The following NDUFV3 variants were observed in gnomAD, a reference collection of about 807,000 sequenced individuals.
NDUFV3 encodes the protein NADH:ubiquinone oxidoreductase subunit V3.
A neutral mutation model predicts 37.5 loss-of-function variants in NDUFV3; 44 were observed. That is an observed-to-expected ratio of 1.17 (90% confidence interval 0.92 to 1.51). The LOEUF is 1.51. Ranked by LOEUF, NDUFV3 falls within the 40% of genes most tolerant of loss-of-function variation. The pLI, the probability that NDUFV3 is intolerant of heterozygous loss-of-function variation, is 0.00. For synonymous variants in NDUFV3, 235 were observed against 239.3 expected, an observed-to-expected ratio of 0.98 and a Z score of 0.17; for missense variants, 580 against 580.4, an observed-to-expected ratio of 1.00 and a Z score of 0.01.
At chr21:42,901,048 A>G (rs2058715983) in intron 2 of NDUFV3, among the ~76,000 whole-genome samples, 1 of 152,172 alleles carries the variant, frequency 6.6e-6, no homozygotes. Flanking sequence ...GCCACAGTTA[A>G]TTATCCATTT....
chr21:42,911,439 C>CTTTTTTTTTT lies in NDUFV3; in HGVS notation c.*2440_*2449dup. On this transcript the variant is annotated 3_prime_UTR_variant, in exon 4 of 4. Transcript: ENST00000354250. ...CTAAAATCCACTATGCTAACCCACCCTTTTTTTTTTTTTTTTTTTTTTTTT... is the reference window on the plus strand; with the variant it reads ...CTAAAATCCACTATGCTAACCCACCCTTTTTTTTTTTTTTTTTTTTTTTTTTTTTTTTTTT... 1 of 67,542 alleles carries CTTTTTTTTTT rather than the reference C, an allele frequency of 1.5e-5. No homozygotes were observed. The highest frequency in any genetic ancestry group is 2.6e-5 in the Non-Finnish European group (1 of 38,364). The allele number at this position is 67,542 out of a possible 1,614,324, so 4.2% of individuals were successfully genotyped here. A position where few individuals can be genotyped will look rare whatever the true frequency, so the allele number is the denominator to read the frequency against.
chr21:42,896,991 C>T lies in NDUFV3; in HGVS notation c.113C>T (p.Ser38Leu). 6.2e-7 allele frequency: 1 copy of T among 1,614,058 alleles called. No homozygotes were observed. Among genetic ancestry groups the T allele is most frequent in the Non-Finnish European group, 8.5e-7 (1 of 1,180,014 alleles). Residue 38 changes from serine (S) to leucine (L), a missense_variant, in exon 2 of 4, where the codon TCA becomes TTA. Transcript: ENST00000354250. ...LASTVSLSAE[S>L]GKSEKGQPQN... ...TCTACGGTTTCTTTGTCTGCGGAAT[C>T]AGGGAAGAGTGAAAAGGGTCAGCCA...
chr21:42,902,943 ATTG>A lies in NDUFV3; in HGVS notation c.170-236_170-234del, dbSNP rs144637011. Among the ~76,000 whole-genome samples, 1,424 of 152,294 alleles carry A rather than the reference ATTG, an allele frequency of 9.4e-3. 40 individuals carry two copies. The East Asian group carries it at 0.097, about 10-fold the overall frequency. On this transcript the variant is annotated intron_variant, in intron 2 of 3. Transcript: ENST00000354250. ...TAAATGCCATGTAAATAGTTGTTGT[ATTG>A]TTTAGGGAATAATGTCAAGGAAAAA... is the stretch of plus-strand genomic sequence containing the variant.
intron 1 of NDUFV3, among the ~76,000 whole-genome samples, chr21:42,895,519 G>T (rs1189191439): frequency 6.6e-6 from 1 of 151,902 alleles, no homozygotes; most frequent in Non-Finnish European, 1.5e-5. Flanking sequence ...AGGTGCGGTG[G>T]TGCACACCTG....
At position 42,903,708 on chromosome 21, in the gene NDUFV3, C is replaced by G. The variant is rs1246678996; in HGVS notation, c.696C>G (p.Ser232=). Residue 232 remains serine, a synonymous_variant, in exon 3 of 4, where the codon TCC becomes TCG. Coordinates refer to ENST00000354250, the MANE Select transcript of NDUFV3 (RefSeq NM_021075.4). The part of the protein sequence containing the change: ...EKPHQPKKKG[S]PAKPSEGREN... ...CCCACCAGCCAAAGAAGAAAGGGTCCCCTGCTAAGCCATCAGAAGGCAGGG... is the reference window on the plus strand; with the variant it reads ...CCCACCAGCCAAAGAAGAAAGGGTCGCCTGCTAAGCCATCAGAAGGCAGGG... The G allele has an allele frequency of 1.9e-6, 3 of 1,614,004 alleles. No homozygotes were observed. In the African/African-American group the frequency reaches 4.0e-5, roughly 22 times the overall value.
chr21:42,903,751 A>G lies in NDUFV3; in HGVS notation c.739A>G (p.Thr247Ala). ...SEGRENARPK[T>A]TMPRSQVDEE... Reference sequence around the variant, plus strand: ...AGGCAGGGAAAATGCGAGACCAAAAACCACAATGCCCAGATCTCAAGTAGA... The same window carrying G: ...AGGCAGGGAAAATGCGAGACCAAAAGCCACAATGCCCAGATCTCAAGTAGA... Residue 247 changes from threonine (T) to alanine (A), a missense_variant, in exon 3 of 4, where the codon ACC becomes GCC. Physicochemically the swap from Thr to Ala is moderately conservative, Grantham distance 58. Transcript: ENST00000354250. 6.2e-7 allele frequency: 1 copy of G among 1,614,172 alleles called. No homozygotes were observed. The highest frequency in any genetic ancestry group is 8.5e-7 in the Non-Finnish European group (1 of 1,180,034).
chr21:42,897,619 C>G (rs917526401), intron 2 of NDUFV3, among the ~76,000 whole-genome samples: 1 of 152,168 alleles, frequency 6.6e-6, no homozygotes, highest in South Asian at 2.1e-4. Flanking sequence ...GTTATCCACC[C>G]GCCTCGGCCT....
In NDUFV3 at chr21:42,897,870, G is replaced by T. The variant is rs1601215607; in HGVS notation, c.169+823G>T. Among the ~76,000 whole-genome samples the T allele has an allele frequency of 2.0e-5, 3 of 151,424 alleles. No individual in the cohort carries two copies. The East Asian group carries it at 5.8e-4, about 29-fold the overall frequency. On this transcript the variant is annotated intron_variant, in intron 2 of 3. Transcript: ENST00000354250. ...TTTTTACATTTTTAGTAGAGGTGGG[G>T]TTTCACCATGTTAGCCGGGATGGTC...
chr21:42,903,991 C>T lies in NDUFV3; in HGVS notation c.979C>T (p.Pro327Ser), dbSNP rs761835700. ...RAEGQLQASP[P>S]GAAEGHLEKP... is the part of the protein sequence containing the mutation. Reference sequence around the variant, plus strand: ...AGAGGGGCAGCTGCAAGCCAGTCCTCCTGGGGCGGCAGAGGGGCATCTGGA... The same window carrying T: ...AGAGGGGCAGCTGCAAGCCAGTCCTTCTGGGGCGGCAGAGGGGCATCTGGA... Residue 327 changes from proline to serine, a missense_variant, in exon 3 of 4, where the codon CCT (proline) becomes TCT (serine). By Grantham distance (74) the Pro-to-Ser change is moderately conservative. Coordinates refer to ENST00000354250, the MANE Select transcript of NDUFV3 (RefSeq NM_021075.4). 6.2e-7 allele frequency: 1 copy of T among 1,614,120 alleles called. No individual in the cohort carries two copies. The highest frequency in any genetic ancestry group is 1.3e-5 in the African/African-American group (1 of 75,070).
In NDUFV3 at chr21:42,910,422, T is replaced by A. The variant is rs2058764973; in HGVS notation, c.*1401T>A. On this transcript the variant is annotated 3_prime_UTR_variant, in exon 4 of 4. Coordinates refer to ENST00000354250, the MANE Select transcript of NDUFV3 (RefSeq NM_021075.4). ...CAGAAAAGGAAGGGAATTGTTTTGT[T>A]TGCCTCTGTTAGATATTTTATATAA... 1.3e-5 allele frequency: 2 copies of A among 152,356 alleles called. No individual in the cohort carries two copies. Among genetic ancestry groups the A allele is most frequent in the Non-Finnish European group, 2.9e-5 (2 of 68,102 alleles). The allele number at this position is 152,356 out of a possible 1,614,324, so 9.4% of individuals were successfully genotyped here. A position where few individuals can be genotyped will look rare whatever the true frequency, so the allele number is the denominator to read the frequency against.
intron 1 of NDUFV3, among the ~76,000 whole-genome samples, chr21:42,896,151 A>ATTTT (rs143845594): frequency 4.4e-5 from 4 of 90,942 alleles, no homozygotes; most frequent in Non-Finnish European, 6.1e-5. Context: ...GCCTGGCTAA[A>ATTTT]TTTTTTTTTT....
At chr21:42,905,672 C>T (rs1408605992) in intron 3 of NDUFV3, among the ~76,000 whole-genome samples, 1 of 151,926 alleles carries the variant, frequency 6.6e-6, no homozygotes, top group African/African-American at 2.4e-5. Context: ...TGTGGCACCA[C>T]CCCCGGCTAA....
chr21:42,894,797 A>G (rs370013763), intron 1 of NDUFV3, among the ~76,000 whole-genome samples: 1 of 151,650 alleles, frequency 6.6e-6, no homozygotes, highest in Admixed American at 6.6e-5. Context: ...AAGCACATGT[A>G]CTCATGCTTA....
rs1361377112 is a variant in NDUFV3, at chr21:42,909,285, G to C, written c.*264G>C. 1 of 402,030 alleles carries C rather than the reference G, an allele frequency of 2.5e-6. No individual in the cohort carries two copies. Among genetic ancestry groups the C allele is most frequent in the African/African-American group, 2.1e-5 (1 of 48,260 alleles). The allele number at this position is 402,030 out of a possible 1,614,324, so 24.9% of individuals were successfully genotyped here. A position where few individuals can be genotyped will look rare whatever the true frequency, so the allele number is the denominator to read the frequency against. On this transcript the variant is annotated 3_prime_UTR_variant, in exon 4 of 4. Coordinates refer to ENST00000354250, the MANE Select transcript of NDUFV3 (RefSeq NM_021075.4). ...GCCTCCCAAGTAGGTGGGATTACAG[G>C]TACTCACCACCAGGTCCAGCTAACT...
chr21:42,897,356 A>G (rs1304777777), intron 2 of NDUFV3, among the ~76,000 whole-genome samples: 2 of 152,226 alleles, frequency 1.3e-5, no homozygotes, highest in African/African-American at 4.8e-5. Flanking sequence ...GCCCCGGCAC[A>G]GTGAGCTTGC....
At chr21:42,901,664 G>A (rs2058718368) in intron 2 of NDUFV3, among the ~76,000 whole-genome samples, 1 of 151,938 alleles carries the variant, frequency 6.6e-6, no homozygotes, top group Non-Finnish European at 1.5e-5. Context: ...GCCAGGCACT[G>A]TTCTAAGCAC....
At chr21:42,897,548 T>C (rs2058698116) in intron 2 of NDUFV3, among the ~76,000 whole-genome samples, 1 of 152,208 alleles carries the variant, frequency 6.6e-6, no homozygotes, top group South Asian at 2.1e-4. Flanking sequence ...TAATTTTTTG[T>C]ATTTTTAGTA....
At chr21:42,901,206 G>A (rs1337171164) in intron 2 of NDUFV3, among the ~76,000 whole-genome samples, 2 of 152,048 alleles carry the variant, frequency 1.3e-5, no homozygotes, top group African/African-American at 4.8e-5. Context: ...GGGAGGCTGA[G>A]GTGGGTGGAT....
At chr21:42,897,074 GA>G (rs773647059) in intron 2 of NDUFV3, 27 bp downstream of exon 2, 1 of 1,612,248 alleles carries the variant, frequency 6.2e-7, no homozygotes. Context: ...AGTCATAAGG[GA>G]AAGAGAATGC....
Sources: gnomAD v4.1 joint callset for allele counts (sites outside exome capture counted in the v4.1 genomes callset) on GRCh38, gnomAD v4.1.1 for gene constraint, MANE v1.5 for transcripts, NCBI Gene and HGNC (gene_info 2026-07-23, HGNC 2026-07-21) for gene names.